TANC1: variants seen among roughly 807,000 people sequenced by gnomAD.
TANC1 encodes the protein protein TANC1.
In TANC1, 77 loss-of-function variants were observed where a neutral mutation model predicts 149.7. The ratio of observed to expected loss-of-function variants is 0.51; its 90% confidence interval spans 0.43 to 0.62. The LOEUF (loss-of-function observed/expected upper bound fraction) is 0.62. TANC1 is among the 20% of genes least tolerant of loss of function. The pLI, the probability that TANC1 is intolerant of heterozygous loss-of-function variation, is 0.00. For synonymous variants in TANC1, 854 were observed against 925.0 expected (o/e 0.92, Z 1.39); for missense variants, 1,985 against 2,321.8 (o/e 0.85, Z 2.98).
At chr2:159,177,732 A>G (rs2056030095) in intron 13 of TANC1, among the ~76,000 whole-genome samples, 1 of 152,218 alleles carries the variant, frequency 6.6e-6, no homozygotes, top group South Asian at 2.1e-4. Context: ...AATACTTCAG[A>G]AACAATAGTG....
chr2:159,230,213 A>G lies in TANC1; in HGVS notation c.4787A>G (p.His1596Arg), dbSNP rs768445816. The G allele has an allele frequency of 1.1e-5, 17 of 1,613,964 alleles. No homozygotes were observed. The highest frequency in any genetic ancestry group is 1.4e-5 in the Non-Finnish European group (17 of 1,180,024). ...GTFTTRAGCG[H>R]FGDRLGPSQN... ...TTCACTACAAGAGCTGGTTGTGGCC[A>G]CTTTGGGGATCGGCTGGGCCCCAGC... Residue 1596 changes from histidine (H) to arginine (R), a missense_variant, in exon 27 of 27, where the codon CAC (histidine) becomes CGC (arginine). Physicochemically the swap from His to Arg is conservative, Grantham distance 29 (BLOSUM62 0). Transcript: ENST00000263635. The surrounding 1 kb of genome is among the most constrained non-coding windows in gnomAD (Gnocchi z 4.4).
intron 2 of TANC1, among the ~76,000 whole-genome samples, chr2:159,046,866 A>G (rs1317541687): frequency 2.6e-5 from 4 of 151,892 alleles, no homozygotes; most frequent in Non-Finnish European, 4.4e-5. Context: ...GGCCTCCCCA[A>G]AATGCTGGGA....
chr2:159,048,232 T>C (rs2041216312), intron 2 of TANC1, among the ~76,000 whole-genome samples: 1 of 152,322 alleles, frequency 6.6e-6, no homozygotes, highest in African/African-American at 2.4e-5. Context: ...GTTGTAGATA[T>C]CTGGCAAGTA....
At chr2:159,152,254 C>G (rs1345342627) in intron 7 of TANC1, among the ~76,000 whole-genome samples, 1 of 152,166 alleles carries the variant, frequency 6.6e-6, no homozygotes, top group Non-Finnish European at 1.5e-5. Context: ...TATGCCCTAT[C>G]TCTTCTGAGC....
chr2:158,981,528 T>TATATATATATATATATATATATAC (rs1559096425), intron 1 of TANC1, among the ~76,000 whole-genome samples: 2 of 114,530 alleles, frequency 1.7e-5, no homozygotes, highest in African/African-American at 6.6e-5. Flanking sequence ...TATATATATA[T>TATATATATATATATATATATATAC]ATATATATAT....
At chr2:159,197,692 G>T (rs541963136) in intron 18 of TANC1, among the ~76,000 whole-genome samples, 2 of 152,086 alleles carry the variant, frequency 1.3e-5, no homozygotes, top group East Asian at 3.9e-4. Flanking sequence ...AGTGTGAAAA[G>T]TCATCATTGG....
intron 4 of TANC1, among the ~76,000 whole-genome samples, chr2:159,113,509 C>G (rs999269943): frequency 6.6e-6 from 1 of 152,216 alleles, no homozygotes; most frequent in Non-Finnish European, 1.5e-5. Flanking sequence ...TGTAAAGTGC[C>G]TGGCTCCTAG....
At chr2:159,129,692 T>G (rs2049876863) in intron 4 of TANC1, among the ~76,000 whole-genome samples, 1 of 152,168 alleles carries the variant, frequency 6.6e-6, no homozygotes, top group African/African-American at 2.4e-5. Context: ...ATCCACCTTC[T>G]CCTGTATCAC....
intron 7 of TANC1, among the ~76,000 whole-genome samples, chr2:159,151,989 ACTCT>A (rs2052863487): frequency 6.6e-6 from 1 of 152,070 alleles, no homozygotes; most frequent in African/African-American, 2.4e-5. Context: ...TAGAAGGCAC[ACTCT>A]ATTTCCTACT....
At chr2:158,998,424 C>T (rs1244480217) in intron 1 of TANC1, among the ~76,000 whole-genome samples, 1 of 152,122 alleles carries the variant, frequency 6.6e-6, no homozygotes, top group Non-Finnish European at 1.5e-5. Flanking sequence ...GATCCCCAGC[C>T]CCTACCCCCA....
In TANC1 at chr2:159,178,689, C is replaced by T. The variant is rs755192711; in HGVS notation, c.2036C>T (p.Ser679Phe). Residue 679 changes from serine to phenylalanine, a missense_variant, in exon 14 of 27, where the codon TCC (serine) becomes TTC (phenylalanine). Physicochemically the swap from Ser to Phe is radical, Grantham distance 155. Around this residue, in one of 3 missense-constraint regions of TANC1, gnomAD observed 508 missense variants for 714.2 expected, o/e 0.71. Coordinates refer to ENST00000263635, the MANE Select transcript of TANC1 (RefSeq NM_033394.3). The part of the protein sequence containing the change: ...HSSQDILSNI[S>F]LNGKADATLI... ...AGCCAGGACATCCTCAGCAACATCT[C>T]CCTGAATGGCAAGGCCGATGCCACA... 1.9e-6 allele frequency: 3 copies of T among 1,614,040 alleles called. No homozygotes were observed. In the East Asian group the frequency reaches 6.7e-5, roughly 36 times the overall value.
intron 2 of TANC1, among the ~76,000 whole-genome samples, chr2:159,025,189 T>TTTTTTCTTTC (rs1491417289): frequency 4.9e-4 from 52 of 105,284 alleles, no homozygotes; most frequent in South Asian, 1.1e-3. Context: ...TTTTTCTTTC[T>TTTTTTCTTTC]TTTCTTTCTT....
chr2:159,229,524 C>T, intron 26 of TANC1, 54 bp from the exon 27 acceptor site: 2 of 1,393,866 alleles, frequency 1.4e-6, no homozygotes, highest in East Asian at 2.4e-5. Flanking sequence ...AACAGTTACA[C>T]TCTGAGCATG....
chr2:159,157,692 T>C (rs1325326058), intron 7 of TANC1, among the ~76,000 whole-genome samples: 1 of 152,226 alleles, frequency 6.6e-6, no homozygotes, highest in Non-Finnish European at 1.5e-5. Context: ...CATCCACTTT[T>C]ATGAGCGGCC....
chr2:159,013,032 G>C (rs1253358323), intron 2 of TANC1, among the ~76,000 whole-genome samples: 1 of 152,120 alleles, frequency 6.6e-6, no homozygotes, highest in East Asian at 1.9e-4. Flanking sequence ...TGGAGAAATT[G>C]GAGAAGGTCA....
intron 7 of TANC1, among the ~76,000 whole-genome samples, chr2:159,154,180 C>T (rs1429918598): frequency 6.6e-6 from 1 of 152,060 alleles, no homozygotes; most frequent in Non-Finnish European, 1.5e-5. Context: ...GCTGTGGGCT[C>T]AAAGCAGGGT....
chr2:159,093,586 A>G (rs753253719), intron 3 of TANC1, among the ~76,000 whole-genome samples: 1 of 152,220 alleles, frequency 6.6e-6, no homozygotes, highest in Non-Finnish European at 1.5e-5. Flanking sequence ...CTGTTCATAC[A>G]TAAAACTTCT....
At chr2:159,027,915 C>T (rs1189528499) in intron 2 of TANC1, among the ~76,000 whole-genome samples, 2 of 152,110 alleles carry the variant, frequency 1.3e-5, no homozygotes, top group African/African-American at 4.8e-5. Flanking sequence ...AGGTATCACG[C>T]AGCGAGAGGG....
chr2:159,228,958 T>A, intron 26 of TANC1, 62 bp downstream of exon 26: 3 of 1,357,346 alleles, frequency 2.2e-6, no homozygotes, highest in East Asian at 2.3e-5. Flanking sequence ...AACCTGCCTG[T>A]TGAATTTGGG....
Sources: allele counts gnomAD v4.1 joint callset (sites outside exome capture counted in the v4.1 genomes callset), GRCh38; gene constraint gnomAD v4.1.1; regional missense constraint gnomAD v4.1.1; non-coding constraint Gnocchi (gnomAD v3.1); transcripts MANE v1.5; gene names NCBI Gene and HGNC (gene_info 2026-07-23, HGNC 2026-07-21).